SFMBT2: variants seen among roughly 807,000 people sequenced by gnomAD.
SFMBT2 encodes the protein Scm like with four mbt domains 2.
In SFMBT2, 38 loss-of-function variants were observed where a neutral mutation model predicts 110.1. The ratio of observed to expected loss-of-function variants is 0.35; its 90% CI spans 0.27 to 0.45. The LOEUF is 0.45. Ranked by LOEUF, SFMBT2 falls within the 20% of genes least tolerant of loss-of-function variation. The probability of loss-of-function intolerance (pLI) is 1.00; values close to 1 mark genes in which losing one functional copy is unlikely to be tolerated. For missense variants in SFMBT2, 1,011 were observed against 1,094.9 expected, an observed-to-expected ratio of 0.92 and a Z score of 1.08; for synonymous variants, 425 against 425.4, an observed-to-expected ratio of 1.00 and a Z score of 0.01.
At chr10:7,189,308 G>A (rs1415103296) in intron 15 of SFMBT2, 10 of 412,784 alleles carry the variant, frequency 2.4e-5, no homozygotes, top group Admixed American at 1.9e-4. Flanking sequence ...AATATCCAGC[G>A]CCATCCAGTA....
intron 4 of SFMBT2, among the ~76,000 whole-genome samples, chr10:7,309,415 G>A (rs545958223): frequency 1.3e-5 from 2 of 152,294 alleles, no homozygotes; most frequent in African/African-American, 2.4e-5. Context: ...ATTCTCACCC[G>A]TGAAAAGTGA....
At chr10:7,291,425 T>G (rs1842258141) in intron 4 of SFMBT2, among the ~76,000 whole-genome samples, 1 of 152,220 alleles carries the variant, frequency 6.6e-6, no homozygotes, top group Non-Finnish European at 1.5e-5. Flanking sequence ...CTTTCTTGCT[T>G]TTGGTAGTTC....
At chr10:7,337,667 T>C (rs1237763897) in intron 4 of SFMBT2, among the ~76,000 whole-genome samples, 1 of 152,150 alleles carries the variant, frequency 6.6e-6, no homozygotes, top group Non-Finnish European at 1.5e-5. Context: ...GTGAGCCAAT[T>C]ACACCTCTTT....
intron 1 of SFMBT2, 26 bp from the exon 2 acceptor site, chr10:7,381,975 T>C (rs1266659681): frequency 1.3e-5 from 18 of 1,342,794 alleles, no homozygotes; most frequent in Non-Finnish European, 1.7e-5. Context: ...AAAAAAAAAA[T>C]CAGAGCAGTT....
intron 12 of SFMBT2, chr10:7,205,103 C>T (rs1242102560): frequency 3.6e-6 from 1 of 274,308 alleles, no homozygotes; most frequent in East Asian, 1.8e-4. Flanking sequence ...GAGACAGAGT[C>T]TCACCCTGTC....
chr10:7,169,840 T>C (rs976892867), intron 20 of SFMBT2, among the ~76,000 whole-genome samples: 23 of 152,200 alleles, frequency 1.5e-4, no homozygotes, highest in African/African-American at 5.5e-4. Context: ...TCTTGTGTTT[T>C]AGCTAACTAT....
At chr10:7,277,845 T>C (rs1360239488) in intron 6 of SFMBT2, among the ~76,000 whole-genome samples, 3 of 152,254 alleles carry the variant, frequency 2.0e-5, no homozygotes, top group Non-Finnish European at 4.4e-5. Flanking sequence ...TAAGCACAGT[T>C]AAAAAGCAAC....
At chr10:7,342,967 C>T (rs1010815673) in intron 4 of SFMBT2, among the ~76,000 whole-genome samples, 3 of 152,138 alleles carry the variant, frequency 2.0e-5, no homozygotes, top group African/African-American at 7.2e-5. Flanking sequence ...ATTTGATGTA[C>T]AGATAATTTT....
At chr10:7,411,443 G>A (rs1326869238), upstream of SFMBT2, 1 of 152,220 alleles carries the variant, frequency 6.6e-6, no homozygotes, top group Non-Finnish European at 1.5e-5. Context: ...TCGTGAGCTG[G>A]GTTTCCAATG....
At chr10:7,244,176 C>A (rs1231547867) in intron 8 of SFMBT2, 1 of 251,878 alleles carries the variant, frequency 4.0e-6, no homozygotes, top group Non-Finnish European at 6.3e-6. Flanking sequence ...CCTTTTCCCT[C>A]AGAACACCCC....
At chr10:7,231,907 G>A (rs1038234733) in intron 9 of SFMBT2, among the ~76,000 whole-genome samples, 1 of 152,174 alleles carries the variant, frequency 6.6e-6, no homozygotes, top group African/African-American at 2.4e-5. Flanking sequence ...GCTGTGGATG[G>A]TATAATAGAG....
chr10:7,379,559 C>G (rs1340889176), intron 2 of SFMBT2, among the ~76,000 whole-genome samples: 1 of 152,156 alleles, frequency 6.6e-6, no homozygotes, highest in Non-Finnish European at 1.5e-5. Context: ...TTTAAAGAGT[C>G]TGTATCGTCA....
chr10:7,284,209 A>T (rs1241684966), intron 5 of SFMBT2, 59 bp from the exon 6 acceptor site: 3 of 1,578,302 alleles, frequency 1.9e-6, no homozygotes, highest in Middle Eastern at 1.7e-4. Context: ...TCTCATGGAA[A>T]CAGATGACAG....
At chr10:7,368,010 G>T in intron 3 of SFMBT2, 121 bp from the exon 4 acceptor site, 2 of 1,386,520 alleles carry the variant, frequency 1.4e-6, no homozygotes, top group Non-Finnish European at 1.9e-6. Flanking sequence ...TCTAAAACAG[G>T]CATGTATTTA....
chr10:7,216,326 C>A (rs886311229), intron 11 of SFMBT2, among the ~76,000 whole-genome samples: 1 of 152,150 alleles, frequency 6.6e-6, no homozygotes, highest in Non-Finnish European at 1.5e-5. Context: ...TCATGGGGGG[C>A]AGCTCCCCCA....
chr10:7,398,573 T>A (rs1455503754), intron 1 of SFMBT2, among the ~76,000 whole-genome samples: 2 of 152,094 alleles, frequency 1.3e-5, no homozygotes, highest in Non-Finnish European at 2.9e-5. Context: ...GAAGACTGAG[T>A]TTGGTCAAAG....
chr10:7,315,104 GAAAGAAAAAGCAAGCA>G (rs1422395052), intron 4 of SFMBT2, among the ~76,000 whole-genome samples: 1 of 142,902 alleles, frequency 7.0e-6, no homozygotes, highest in Non-Finnish European at 1.6e-5. Context: ...AAGAAAGAAA[GAAAGAAAAAGCAAGCA>G]AGCAAGCCAG....
At chr10:7,244,038 T>C (rs145479031) in intron 8 of SFMBT2, 2 of 881,280 alleles carry the variant, frequency 2.3e-6, no homozygotes, top group African/African-American at 3.6e-5. Context: ...CCAGCTTAGA[T>C]GACAGCCAAG....
intron 6 of SFMBT2, among the ~76,000 whole-genome samples, chr10:7,283,259 G>A (rs1841998832): frequency 6.6e-6 from 1 of 152,200 alleles, no homozygotes; most frequent in Admixed American, 6.5e-5. Flanking sequence ...GCATAAGGCA[G>A]GATTCTTTCC....
Sources: allele counts gnomAD v4.1 joint callset (sites outside exome capture counted in the v4.1 genomes callset), GRCh38; gene constraint gnomAD v4.1.1; transcripts MANE v1.5; gene names NCBI Gene and HGNC (gene_info 2026-07-23, HGNC 2026-07-21).